CRIPT: variants seen among roughly 807,000 people sequenced by gnomAD.
CRIPT encodes CXXC repeat containing interactor of PDZ3 domain, also known as cysteine-rich PDZ-binding protein.
In CRIPT, 20 loss-of-function variants were observed where a neutral mutation model predicts 16.6. That is an observed-to-expected ratio of 1.20 (90% CI 0.85 to 1.75). The LOEUF is 1.75. Ranked by LOEUF, CRIPT falls within the 40% of genes most tolerant of loss-of-function variation. The pLI is 0.00. For synonymous variants in CRIPT, 42 were observed against 37.0 expected (o/e 1.14, Z -0.49); for missense variants, 133 against 115.3 (o/e 1.15, Z -0.70).
chr2:46,623,521 C>A (rs1226058853), intron 3 of CRIPT, among the ~76,000 whole-genome samples: 2 of 152,154 alleles, frequency 1.3e-5, no homozygotes, highest in African/African-American at 4.8e-5. Context: ...CTGATATGAA[C>A]ACGTCAAGAA....
At position 46,617,248 on chromosome 2, in the gene CRIPT, T is replaced by C. The variant is rs377630390; in HGVS notation, c.-35T>C. 13 of 1,553,458 alleles carry C rather than the reference T, an allele frequency of 8.4e-6. No individual in the cohort carries two copies. Among genetic ancestry groups the C allele is most frequent in the African/African-American group, 8.2e-5 (6 of 73,474 alleles). ...GTTGTTTTCAGCCTGCTGCTGCTGC[T>C]GCTGTTGCGGCTAGGGGAACCGTCG... On this transcript the variant is annotated 5_prime_UTR_variant, in exon 1 of 5. Transcript: ENST00000238892.
intron 3 of CRIPT, among the ~76,000 whole-genome samples, chr2:46,622,135 C>T (rs1001961384): frequency 6.6e-6 from 1 of 151,936 alleles, no homozygotes; most frequent in East Asian, 1.9e-4. Context: ...TTTGGGAGGC[C>T]GAGGCAGGCG....
rs536185049 is a variant in CRIPT, at chr2:46,624,543, T to G, written c.*316T>G. On this transcript the variant is annotated 3_prime_UTR_variant, in exon 5 of 5. Transcript: ENST00000238892. ...CCCCCACCACTTTATTTATAGATAC[T>G]GCAAAAGTGAGAAGGAGATAATAGA... The G allele has an allele frequency of 5.6e-6, 1 of 179,162 alleles. No homozygotes were observed. Among genetic ancestry groups the G allele is most frequent in the South Asian group, 1.9e-4 (1 of 5,286 alleles). 11.1% of individuals were successfully genotyped at this position (179,162 alleles called of 1,614,324 possible).
intron 3 of CRIPT, 127 bp downstream of exon 3, chr2:46,619,808 G>T: frequency 1.6e-6 from 1 of 638,346 alleles, no homozygotes. Flanking sequence ...CTAGCACTCA[G>T]AACCAAGCTA....
In CRIPT at chr2:46,626,312, C is replaced by G. The variant is rs181381587; in HGVS notation, c.*2085C>G. ...ATAGTATTCTGTGGTGTATATGTAC[C>G]AATTTTCTTTATCCAGTCCACTATT... On this transcript the variant is annotated 3_prime_UTR_variant, in exon 5 of 5. Transcript: ENST00000238892. Among the ~76,000 whole-genome samples the G allele has an allele frequency of 6.6e-6, 1 of 152,020 alleles. No homozygotes were observed. The highest frequency in any genetic ancestry group is 2.4e-5 in the African/African-American group (1 of 41,372).
rs1025309727 is a variant in CRIPT at position 46,626,354 on chromosome 2, G to A, written c.*2127G>A. On this transcript the variant is annotated 3_prime_UTR_variant, in exon 5 of 5. Transcript: ENST00000238892. Reference sequence around the variant, plus strand: ...TCCACTATTAATGAGCATCTAGGTTGATTCTGTGTCTTTGCTGTTGTGAAT... The same window carrying A: ...TCCACTATTAATGAGCATCTAGGTTAATTCTGTGTCTTTGCTGTTGTGAAT... Among the ~76,000 whole-genome samples, 6 of 152,202 alleles carry A rather than the reference G, an allele frequency of 3.9e-5. No homozygotes were observed. Among genetic ancestry groups the A allele is most frequent in the African/African-American group, 1.2e-4 (5 of 41,446 alleles).
intron 3 of CRIPT, among the ~76,000 whole-genome samples, chr2:46,620,388 CA>C (rs1165865735): frequency 4.3e-4 from 66 of 151,934 alleles, no homozygotes; most frequent in Non-Finnish European, 9.4e-4. Context: ...GTCAAGGCTG[CA>C]GTGAGCCAGG....
intron 3 of CRIPT, among the ~76,000 whole-genome samples, chr2:46,620,623 T>A (rs1670777935): frequency 1.3e-5 from 2 of 151,198 alleles, no homozygotes; most frequent in Non-Finnish European, 2.9e-5. Context: ...ACTGTTCTTG[T>A]CGAGATCACA....
Position 46,624,342 on chromosome 2 carries a change from G to A in CRIPT, c.*115G>A. ...TTTTAAGATAATTAAGTTTAAACCA[G>A]AGAATTTGATTGTTACTCATTTTGC... On this transcript the variant is annotated 3_prime_UTR_variant, in exon 5 of 5. Transcript: ENST00000238892. 3.4e-6 allele frequency: 2 copies of A among 593,068 alleles called. No individual in the cohort carries two copies. The highest frequency in any genetic ancestry group is 5.3e-6 in the Non-Finnish European group (2 of 374,122). The allele number at this position is 593,068 out of a possible 1,614,324, so 36.7% of individuals were successfully genotyped here. A position where few individuals can be genotyped will look rare whatever the true frequency, so the allele number is the denominator to read the frequency against.
rs1430322096 is a variant in CRIPT, at chr2:46,624,134, G to A, written c.242-29G>A. Reference sequence around the variant, plus strand: ...AACCAAACAGTTGGTATTATGATTTGATTGATCACATATCTTCTTTTGTTT... The same window carrying A: ...AACCAAACAGTTGGTATTATGATTTAATTGATCACATATCTTCTTTTGTTT... On this transcript the variant is annotated intron_variant, in intron 4 of 4. Transcript: ENST00000238892. 10 of 1,498,804 alleles carry A rather than the reference G, an allele frequency of 6.7e-6. No individual in the cohort carries two copies. The Admixed American group carries it at 1.7e-4, about 26-fold the overall frequency. 92.8% of individuals were successfully genotyped at this position (1,498,804 alleles called of 1,614,324 possible).
In CRIPT at chr2:46,627,591, CAT is replaced by C. The variant is rs1670970613; in HGVS notation, c.*3365_*3366del. Among the ~76,000 whole-genome samples, 2 of 151,960 alleles carry C rather than the reference CAT, an allele frequency of 1.3e-5. No individual in the cohort carries two copies. The highest frequency in any genetic ancestry group is 4.8e-5 in the African/African-American group (2 of 41,374). On this transcript the variant is annotated 3_prime_UTR_variant, in exon 5 of 5. Coordinates refer to ENST00000238892, the MANE Select transcript of CRIPT (RefSeq NM_014171.6). Reference sequence around the variant, plus strand: ...CCCAACCTAACTGGGATTACAGGCACATGCCACCACGCCTGGCTAATTTTTCT... The same window carrying C: ...CCCAACCTAACTGGGATTACAGGCACGCCACCACGCCTGGCTAATTTTTCT...
chr2:46,619,611 T>C lies in CRIPT; in HGVS notation c.83-16T>C, dbSNP rs1458462144. 6.3e-7 allele frequency: 1 copy of C among 1,592,196 alleles called. No homozygotes were observed. The highest frequency in any genetic ancestry group is 8.6e-7 in the Non-Finnish European group (1 of 1,163,968). On this transcript the variant is annotated splice_polypyrimidine_tract_variant and intron_variant, in intron 2 of 4. Transcript: ENST00000238892. ...TATAGAAATAACCCACTAAAATATC[T>C]TTTATTCTGATACAGAAAGTGGTGG...
At position 46,627,850 on chromosome 2, in the gene CRIPT, T is replaced by C. The variant is rs2104182650; in HGVS notation, c.*3623T>C. Among the ~76,000 whole-genome samples, 1 of 152,318 alleles carries C rather than the reference T, an allele frequency of 6.6e-6. No homozygotes were observed. The highest frequency in any genetic ancestry group is 1.9e-4 in the East Asian group (1 of 5,184). ...TGGCTAGACAGCTGTTCCAGCACCA[T>C]TTATTGAATTAGGGAATCCTTTCTC... On this transcript the variant is annotated 3_prime_UTR_variant, in exon 5 of 5. Coordinates refer to ENST00000238892, the MANE Select transcript of CRIPT (RefSeq NM_014171.6).
In CRIPT at chr2:46,625,054, C is replaced by G. The variant is rs1447688750; in HGVS notation, c.*827C>G. The G allele has an allele frequency of 6.8e-6, 1 of 146,512 alleles. No homozygotes were observed. 9.1% of individuals were successfully genotyped at this position (146,512 alleles called of 1,614,324 possible). A position where few individuals can be genotyped will look rare whatever the true frequency, so the allele number is the denominator to read the frequency against. On this transcript the variant is annotated 3_prime_UTR_variant, in exon 5 of 5. Coordinates refer to ENST00000238892, the MANE Select transcript of CRIPT (RefSeq NM_014171.6). Reference sequence around the variant, plus strand: ...AATAGAGCAAACATCTTGACTCTCCCTTTTTAAAATTTGTTTGTTTTTTTT... The same window carrying G: ...AATAGAGCAAACATCTTGACTCTCCGTTTTTAAAATTTGTTTGTTTTTTTT...
rs1017194056 is a variant in CRIPT at position 46,630,146 on chromosome 2, A to G, written c.*5919A>G. ...TGCATAGCCATAGCACAATTACCAAAATCAGAAAATTAACATTAATACTTT... is the reference window on the plus strand; with the variant it reads ...TGCATAGCCATAGCACAATTACCAAGATCAGAAAATTAACATTAATACTTT... On this transcript the variant is annotated 3_prime_UTR_variant, in exon 5 of 5. Coordinates refer to ENST00000238892, the MANE Select transcript of CRIPT (RefSeq NM_014171.6). Among the ~76,000 whole-genome samples the G allele has an allele frequency of 5.3e-5, 8 of 152,118 alleles. No individual in the cohort carries two copies. Among genetic ancestry groups the G allele is most frequent in the Non-Finnish European group, 1.0e-4 (7 of 68,028 alleles).
rs766187659 is a variant in CRIPT at position 46,619,649 on chromosome 2, T to G, written c.105T>G (p.Asn35Lys). The change falls in exon 3 of 5, where the codon AAT becomes AAG. Residue 35 changes from asparagine to lysine, a missense_variant. By Grantham distance (94) the Asn-to-Lys change is moderately conservative. Coordinates refer to ENST00000238892, the MANE Select transcript of CRIPT (RefSeq NM_014171.6). ...NTTESGGRKL[N>K]ENKALTSKKA... is the part of the protein sequence containing the mutation. The stretch of plus-strand genomic sequence containing the variant: ...CAGAAAGTGGTGGAAGAAAGCTGAA[T>G]GAAAATAAAGCTTTGACTTCAAAAA... 6 of 1,611,676 alleles carry G rather than the reference T, an allele frequency of 3.7e-6. No individual in the cohort carries two copies. Among genetic ancestry groups the G allele is most frequent in the Non-Finnish European group, 5.1e-6 (6 of 1,178,854 alleles).
chr2:46,629,870 GTTTA>G lies in CRIPT; in HGVS notation c.*5644_*5647del, dbSNP rs1671029106. 1.3e-5 allele frequency among the ~76,000 whole-genome samples: 2 copies of G among 152,076 alleles called. No homozygotes were observed. Among genetic ancestry groups the G allele is most frequent in the South Asian group, 4.1e-4 (2 of 4,830 alleles). ...TCCTCATCAAATCTACCCCTCCTAG[GTTTA>G]GCATCCTTTGACGATTCTTGTCTGA... On this transcript the variant is annotated 3_prime_UTR_variant, in exon 5 of 5. Transcript: ENST00000238892.
chr2:46,617,225 T>A lies in CRIPT; in HGVS notation c.-58T>A, dbSNP rs1426675545. 5.2e-6 allele frequency: 8 copies of A among 1,551,060 alleles called. No homozygotes were observed. In the South Asian group the frequency reaches 7.1e-5, roughly 14 times the overall value. On this transcript the variant is annotated 5_prime_UTR_variant, in exon 1 of 5. Coordinates refer to ENST00000238892, the MANE Select transcript of CRIPT (RefSeq NM_014171.6). ...GAATACTTCCAAGTTGTAGTGTTGT[T>A]GTTTTCAGCCTGCTGCTGCTGCTGC...
In CRIPT at chr2:46,627,547, G is replaced by A. The variant is rs887165829; in HGVS notation, c.*3320G>A. 1.3e-5 allele frequency among the ~76,000 whole-genome samples: 2 copies of A among 151,488 alleles called. No individual in the cohort carries two copies. The highest frequency in any genetic ancestry group is 4.9e-5 in the African/African-American group (2 of 41,208). On this transcript the variant is annotated 3_prime_UTR_variant, in exon 5 of 5. Transcript: ENST00000238892. ...CAACCTCCACCTCCCAGGCTCAAGC[G>A]ATTCTCATGCCTCAGCCTCCCAACC...
Sources: gnomAD v4.1 joint callset for allele counts (sites outside exome capture counted in the v4.1 genomes callset) on GRCh38, gnomAD v4.1.1 for gene constraint, MANE v1.5 for transcripts, NCBI Gene and HGNC (gene_info 2026-07-23, HGNC 2026-07-21) for gene names.